The following YWHAE variants were observed in gnomAD, a reference collection of about 807,000 sequenced individuals.
The protein encoded by YWHAE is 14-3-3 protein epsilon.
YWHAE carries 4 observed loss-of-function variants against 30.1 expected under a neutral mutation model. The ratio of observed to expected loss-of-function variants is 0.13; its 90% CI spans 0.07 to 0.30. The LOEUF (loss-of-function observed/expected upper bound fraction) is 0.30, where lower values mean the gene tolerates loss of function less well. Ranked by LOEUF, YWHAE falls within the 10% of genes least tolerant of loss-of-function variation. YWHAE has a pLI of 1.00. For synonymous variants in YWHAE, 118 were observed against 111.8 expected (o/e 1.06, Z -0.35); for missense variants, 121 against 315.9 (o/e 0.38, Z 4.68).
intron 4 of YWHAE, among the ~76,000 whole-genome samples, chr17:1,355,947 T>C (rs2072733300): frequency 6.6e-6 from 1 of 152,008 alleles, no homozygotes; most frequent in Non-Finnish European, 1.5e-5. Context: ...AGCGGGCGGA[T>C]CACGTGGTTA....
chr17:1,360,471 C>T (rs960231700), intron 4 of YWHAE, among the ~76,000 whole-genome samples: 4 of 152,022 alleles, frequency 2.6e-5, no homozygotes, highest in Non-Finnish European at 5.9e-5. Flanking sequence ...CCCATAGAAA[C>T]AGAACACTGG....
intron 2 of YWHAE, among the ~76,000 whole-genome samples, chr17:1,363,958 A>G (rs2072903593): frequency 6.6e-6 from 1 of 152,100 alleles, no homozygotes; most frequent in South Asian, 2.1e-4. Flanking sequence ...TCCCCACCCC[A>G]CTAGATGCTA....
intron 1 of YWHAE, among the ~76,000 whole-genome samples, chr17:1,375,786 A>T (rs2073113036): frequency 6.6e-6 from 1 of 152,228 alleles, no homozygotes; most frequent in Admixed American, 6.5e-5. Context: ...CTGCCAGTAG[A>T]GTCACAAGTT....
intron 1 of YWHAE, among the ~76,000 whole-genome samples, chr17:1,391,388 G>T (rs1598271934): frequency 6.6e-6 from 1 of 152,238 alleles, no homozygotes; most frequent in East Asian, 1.9e-4. Context: ...GAGTCTAAAT[G>T]ACAAAATCTA....
intron 4 of YWHAE, among the ~76,000 whole-genome samples, chr17:1,357,101 C>T (rs2072760387): frequency 6.7e-6 from 1 of 148,240 alleles, no homozygotes; most frequent in African/African-American, 2.5e-5. Context: ...AACCCCATCT[C>T]TATTAAAAAT....
intron 1 of YWHAE, among the ~76,000 whole-genome samples, chr17:1,378,560 T>C (rs2073157794): frequency 6.6e-6 from 1 of 152,198 alleles, no homozygotes; most frequent in Non-Finnish European, 1.5e-5. Flanking sequence ...TGACAAATAA[T>C]CTGGGAAGCA....
intron 1 of YWHAE, among the ~76,000 whole-genome samples, chr17:1,381,892 G>C (rs1193141121): frequency 6.3e-5 from 8 of 127,294 alleles, no homozygotes; most frequent in African/African-American, 2.5e-4. Flanking sequence ...CAGCCTGCAC[G>C]AGAGAGCGAC....
chr17:1,364,354 G>A (rs1261582973), intron 2 of YWHAE, among the ~76,000 whole-genome samples: 2 of 151,880 alleles, frequency 1.3e-5, no homozygotes, highest in East Asian at 3.9e-4. Flanking sequence ...AGCCTCCCGA[G>A]TAGCTGGGAC....
chr17:1,395,212 G>GT (rs1287315260), intron 1 of YWHAE, among the ~76,000 whole-genome samples: 1 of 151,994 alleles, frequency 6.6e-6, no homozygotes, highest in African/African-American at 2.4e-5. Flanking sequence ...GGCAAACATG[G>GT]TAAAACCCTG....
At chr17:1,397,076 T>G (rs2073484478) in intron 1 of YWHAE, among the ~76,000 whole-genome samples, 1 of 151,664 alleles carries the variant, frequency 6.6e-6, no homozygotes, top group Admixed American at 6.6e-5. Context: ...ATTTTTTTAT[T>G]TTTGTAGAGA....
chr17:1,366,865 C>A (rs903045629), intron 1 of YWHAE, among the ~76,000 whole-genome samples: 5 of 152,056 alleles, frequency 3.3e-5, no homozygotes, highest in Non-Finnish European at 5.9e-5. Context: ...CTGCTTGAAC[C>A]TGGGAGGCAG....
In YWHAE at chr17:1,387,924, C is replaced by CCT. The variant is rs373092163; in HGVS notation, c.64+12122_64+12123insAG. 6.6e-5 allele frequency among the ~76,000 whole-genome samples: 5 copies of CCT among 75,714 alleles called. No individual in the cohort carries two copies. The South Asian group carries it at 2.2e-3, about 34-fold the overall frequency. The allele number at this position is 75,714 out of a possible 152,430, so 49.7% of individuals were successfully genotyped here. A position where few individuals can be genotyped will look rare whatever the true frequency, so the allele number is the denominator to read the frequency against. On this transcript the variant is annotated intron_variant, in intron 1 of 5. Transcript: ENST00000264335. ...TACAGGAGTGAGCCACTGCACCTGG[C>CCT]TTTTTTTTTTTTTTTTTTTTTGACG...
chr17:1,378,758 C>T (rs1050855341), intron 1 of YWHAE, among the ~76,000 whole-genome samples: 1 of 152,070 alleles, frequency 6.6e-6, no homozygotes, highest in Admixed American at 6.6e-5. Context: ...CGGCCTTGGC[C>T]AACATGGTGA....
At chr17:1,397,008 A>C (rs1274994626) in intron 1 of YWHAE, among the ~76,000 whole-genome samples, 1 of 140,434 alleles carries the variant, frequency 7.1e-6, no homozygotes, top group Non-Finnish European at 1.5e-5. Flanking sequence ...TACAACCTTC[A>C]CCTCCCGGGT....
chr17:1,385,535 G>C (rs2073287234), intron 1 of YWHAE, among the ~76,000 whole-genome samples: 1 of 152,144 alleles, frequency 6.6e-6, no homozygotes, highest in Non-Finnish European at 1.5e-5. Context: ...CAGTTTCGTG[G>C]AAGACAATTT....
intron 5 of YWHAE, among the ~76,000 whole-genome samples, chr17:1,348,887 AT>A (rs764750817): frequency 2.9e-4 from 44 of 151,340 alleles, no homozygotes; most frequent in Non-Finnish European, 4.7e-4. Flanking sequence ...TTAGCCGGGC[AT>A]GGTGGCGGGC....
At chr17:1,354,449 A>AAT in intron 4 of YWHAE, 102 bp from the exon 5 acceptor site, 1 of 1,165,658 alleles carries the variant, frequency 8.6e-7, no homozygotes, top group Non-Finnish European at 1.2e-6. Context: ...TCCAGTTTGT[A>AAT]ATAGTCACAA....
intron 1 of YWHAE, chr17:1,399,773 C>T: frequency 2.3e-6 from 1 of 437,164 alleles, no homozygotes; most frequent in South Asian, 2.4e-5. Flanking sequence ...CTCGCCCTCC[C>T]CCCAGCCGCC....
intron 5 of YWHAE, among the ~76,000 whole-genome samples, chr17:1,350,055 C>A (rs1436210326): frequency 6.6e-6 from 1 of 150,862 alleles, no homozygotes; most frequent in Non-Finnish European, 1.5e-5. Flanking sequence ...CAGGTTCAAG[C>A]GATTCTCCTG....
Sources: allele counts gnomAD v4.1 joint callset (sites outside exome capture counted in the v4.1 genomes callset), GRCh38; gene constraint gnomAD v4.1.1; transcripts MANE v1.5; gene names NCBI Gene and HGNC (gene_info 2026-07-23, HGNC 2026-07-21).